The following FBLN2 variants were observed in gnomAD, a reference collection of about 807,000 sequenced individuals.
FBLN2 encodes the protein fibulin-2.
In FBLN2, 81 loss-of-function variants were observed where a neutral mutation model predicts 123.7. The observed-to-expected ratio is 0.65, with a 90% CI of 0.55 to 0.79. The LOEUF (loss-of-function observed/expected upper bound fraction) is 0.79. Ranked by LOEUF, FBLN2 falls within the 30% of genes least tolerant of loss-of-function variation. The pLI is 0.00. For missense variants in FBLN2, 1,603 were observed against 1,681.3 expected, an observed-to-expected ratio of 0.95 and a Z score of 0.81; for synonymous variants, 699 against 701.4, an observed-to-expected ratio of 1.00 and a Z score of 0.05.
Position 13,570,593 on chromosome 3 carries a change from C to G in FBLN2, c.238C>G (p.Arg80Gly), listed in dbSNP as rs767350852. 1.2e-4 allele frequency: 193 copies of G among 1,578,594 alleles called. No individual in the cohort carries two copies. Among genetic ancestry groups the G allele is most frequent in the Admixed American group, 1.8e-4 (10 of 55,114 alleles). The part of the protein sequence containing the change: ...YYDCLQGGFV[R>G]GRVPAGQSYF... ...TGACTGCCTACAGGGTGGCTTCGTG[C>G]GCGGCCGCGTGCCCGCCGGTCAGTC... Residue 80 changes from arginine to glycine, a missense_variant, in exon 2 of 18, where the codon CGC becomes GGC. By Grantham distance (125) the Arg-to-Gly change is moderately radical (BLOSUM62 -2). Transcript: ENST00000404922.
At chr3:13,592,228 G>A (rs2124857422) in intron 2 of FBLN2, among the ~76,000 whole-genome samples, 1 of 151,988 alleles carries the variant, frequency 6.6e-6, no homozygotes, top group African/African-American at 2.4e-5. Flanking sequence ...GTTTCACCAT[G>A]TTGGCCAGGC....
In FBLN2 at chr3:13,594,108, TTTC is replaced by T. The variant is rs557894120; in HGVS notation, c.1307-13950_1307-13948del. ...TCTTTAGATTTTGGAGCCATTATAT[TTTC>T]TTCCCAGGCCCAGGAGTCAAGCATT... is the stretch of plus-strand genomic sequence containing the variant. On this transcript the variant is annotated intron_variant, in intron 2 of 17. Coordinates refer to ENST00000404922, the MANE Select transcript of FBLN2 (RefSeq NM_001004019.2). Among the ~76,000 whole-genome samples the T allele has an allele frequency of 1.0e-3, 152 of 152,298 alleles. 1 individual carries two copies. The South Asian group carries it at 0.03, about 30-fold the overall frequency.
chr3:13,557,109 C>T (rs1406877989), intron 1 of FBLN2, among the ~76,000 whole-genome samples: 3 of 152,258 alleles, frequency 2.0e-5, no homozygotes, highest in Non-Finnish European at 4.4e-5. Flanking sequence ...CAGGGAGGAG[C>T]TGTGACCAGC....
intron 1 of FBLN2, among the ~76,000 whole-genome samples, chr3:13,569,991 G>A (rs775629352): frequency 1.3e-5 from 2 of 151,938 alleles, no homozygotes; most frequent in South Asian, 4.2e-4. Flanking sequence ...TGTGTGTGTG[G>A]GCACGAGGGC....
Position 13,609,498 on chromosome 3 carries a change from C to T in FBLN2, c.1419-15C>T, listed in dbSNP as rs1428938619. On this transcript the variant is annotated splice_polypyrimidine_tract_variant and intron_variant, in intron 3 of 17. Transcript: ENST00000404922. Reference sequence around the variant, plus strand: ...AGGTGGGCGACTGGGGGCTAAGTTACCCCCTCTGTTTCAGGACAGCCCAGA... The same window carrying T: ...AGGTGGGCGACTGGGGGCTAAGTTATCCCCTCTGTTTCAGGACAGCCCAGA... 44 of 1,533,410 alleles carry T rather than the reference C, an allele frequency of 2.9e-5. No individual in the cohort carries two copies. The highest frequency in any genetic ancestry group is 1.7e-4 in the Admixed American group (8 of 47,410). 95.0% of individuals were successfully genotyped at this position (1,533,410 alleles called of 1,614,324 possible). A position where few individuals can be genotyped will look rare whatever the true frequency, so the allele number is the denominator to read the frequency against.
intron 2 of FBLN2, among the ~76,000 whole-genome samples, chr3:13,577,145 C>G (rs1372062075): frequency 6.6e-6 from 1 of 151,758 alleles, no homozygotes; most frequent in Middle Eastern, 3.2e-3. Context: ...ATCGCTTGAA[C>G]CCGGGAGGCA....
chr3:13,556,706 C>T (rs2125032641), intron 1 of FBLN2, among the ~76,000 whole-genome samples: 1 of 152,310 alleles, frequency 6.6e-6, no homozygotes, highest in East Asian at 1.9e-4. Flanking sequence ...CGTTGGGGTT[C>T]CCAGGGTCTG....
At chr3:13,552,890 C>A (rs1270287282) in intron 1 of FBLN2, among the ~76,000 whole-genome samples, 1 of 152,138 alleles carries the variant, frequency 6.6e-6, no homozygotes, top group Non-Finnish European at 1.5e-5. Context: ...GGCTGGTGTA[C>A]AGAGGAGCGG....
rs180774051 is a variant in FBLN2, at chr3:13,587,870, A to G, written c.1306+16209A>G. ...ACCTGTGGCCTGGAGGCACCCCCCA[A>G]TCTTGCTTTGAGTTGTCCTGCCTTT... On this transcript the variant is annotated intron_variant, in intron 2 of 17. Transcript: ENST00000404922. Among the ~76,000 whole-genome samples, 70 of 152,272 alleles carry G rather than the reference A, an allele frequency of 4.6e-4. 1 individual carries two copies. The highest frequency in any genetic ancestry group is 2.5e-3 in the Admixed American group (38 of 15,308).
chr3:13,562,284 C>T (rs59612575), intron 1 of FBLN2, among the ~76,000 whole-genome samples: 1,677 of 151,884 alleles, frequency 0.011, 33 homozygotes, highest in African/African-American at 0.038. Flanking sequence ...TGGTTATTTA[C>T]GTTTGGCTCT....
intron 2 of FBLN2, among the ~76,000 whole-genome samples, chr3:13,591,904 G>A (rs1345697717): frequency 6.6e-6 from 1 of 151,914 alleles, no homozygotes; most frequent in African/African-American, 2.4e-5. Context: ...TAGACATTCA[G>A]CTGGCCCAGC....
intron 2 of FBLN2, among the ~76,000 whole-genome samples, chr3:13,583,757 G>T (rs1379131212): frequency 6.6e-6 from 1 of 152,240 alleles, no homozygotes; most frequent in African/African-American, 2.4e-5. Context: ...GGTGGGATTA[G>T]CAGGTAGGCA....
intron 4 of FBLN2, among the ~76,000 whole-genome samples, chr3:13,610,137 TG>T (rs1237461534): frequency 6.6e-6 from 1 of 152,134 alleles, no homozygotes. Flanking sequence ...GGGTGGGGGA[TG>T]TCTGTGAAAT....
chr3:13,563,729 C>T (rs1703670926), intron 1 of FBLN2, among the ~76,000 whole-genome samples: 1 of 152,242 alleles, frequency 6.6e-6, no homozygotes, highest in Admixed American at 6.5e-5. Context: ...AGCTGACCTA[C>T]TGAGGCCAAC....
rs759911183 is a variant in FBLN2, at chr3:13,627,683, C to T, written c.2432-149C>T. On this transcript the variant is annotated intron_variant, in intron 10 of 17. Transcript: ENST00000404922. ...ATTACTCCTGGGACAAAGGCCATGC[C>T]GGCAACAATGTGGCTGTGCCAGCTT... 31 of 1,003,862 alleles carry T rather than the reference C, an allele frequency of 3.1e-5. No individual in the cohort carries two copies. In the Admixed American group the frequency reaches 5.1e-4, roughly 17 times the overall value. 62.2% of individuals were successfully genotyped at this position (1,003,862 alleles called of 1,614,324 possible).
intron 17 of FBLN2, among the ~76,000 whole-genome samples, chr3:13,636,888 G>A (rs183595473): frequency 2.0e-4 from 31 of 152,334 alleles, no homozygotes; most frequent in Admixed American, 7.8e-4. Context: ...TCTTTGTCAC[G>A]CAGTGTCTGA....
intron 10 of FBLN2, among the ~76,000 whole-genome samples, chr3:13,627,459 TC>T (rs1706085311): frequency 6.6e-6 from 1 of 152,132 alleles, no homozygotes; most frequent in Admixed American, 6.5e-5. Flanking sequence ...TGGGAGCCAG[TC>T]CCCCGGGTTC....
intron 2 of FBLN2, among the ~76,000 whole-genome samples, chr3:13,575,317 T>C (rs1433559266): frequency 1.3e-5 from 2 of 151,180 alleles, no homozygotes; most frequent in African/African-American, 2.4e-5. Context: ...AGGGTGAGAG[T>C]TGGGGTGCGG....
Position 13,619,917 on chromosome 3 carries a change from A to C in FBLN2, c.2155+86A>C, listed in dbSNP as rs544921208. ...TCCAGGTGGGGGTGGCTGAGACTTA[A>C]AACTTGCTGAGTTTGTGCAGGAAGA... On this transcript the variant is annotated intron_variant, in intron 8 of 17. Coordinates refer to ENST00000404922, the MANE Select transcript of FBLN2 (RefSeq NM_001004019.2). 4 of 1,029,670 alleles carry C rather than the reference A, an allele frequency of 3.9e-6. No individual in the cohort carries two copies. In the East Asian group the frequency reaches 1.1e-4, roughly 27 times the overall value. 63.8% of individuals were successfully genotyped at this position (1,029,670 alleles called of 1,614,324 possible).
Sources: allele counts gnomAD v4.1 joint callset (sites outside exome capture counted in the v4.1 genomes callset), GRCh38; gene constraint gnomAD v4.1.1; transcripts MANE v1.5; gene names NCBI Gene and HGNC (gene_info 2026-07-23, HGNC 2026-07-21).